Variants in CAMKK2 observed in about 807,000 individuals in gnomAD.
The protein encoded by CAMKK2 is calcium/calmodulin dependent protein kinase kinase 2.
A neutral mutation model predicts 67.2 loss-of-function variants in CAMKK2; 30 were observed. That is an observed-to-expected ratio of 0.45 (90% CI 0.33 to 0.61). The LOEUF is 0.61. Ranked by LOEUF, CAMKK2 falls within the 20% of genes least tolerant of loss-of-function variation. The pLI, the probability that CAMKK2 is intolerant of heterozygous loss-of-function variation, is 0.02. For synonymous variants in CAMKK2, 322 were observed against 326.2 expected, an observed-to-expected ratio of 0.99 and a Z score of 0.14; for missense variants, 643 against 802.0, an observed-to-expected ratio of 0.80 and a Z score of 2.39.
intron 1 of CAMKK2, among the ~76,000 whole-genome samples, chr12:121,288,658 C>A (rs955050158): frequency 6.6e-6 from 1 of 152,166 alleles, no homozygotes; most frequent in Non-Finnish European, 1.5e-5. Flanking sequence ...GCTCCTACCC[C>A]ACCCGCTGGG....
intron 1 of CAMKK2, among the ~76,000 whole-genome samples, chr12:121,284,285 A>G (rs561908380): frequency 6.6e-6 from 1 of 152,338 alleles, no homozygotes; most frequent in East Asian, 1.9e-4. Flanking sequence ...CAGGGCGACA[A>G]TTGGGCTGAG....
chr12:121,266,984 G>A (rs1376126373), intron 5 of CAMKK2, among the ~76,000 whole-genome samples: 2 of 119,188 alleles, frequency 1.7e-5, no homozygotes, highest in African/African-American at 6.3e-5. Flanking sequence ...AGGTCAGCAA[G>A]AAACTGGTCT....
chr12:121,273,703 G>A (rs969191735), intron 2 of CAMKK2, among the ~76,000 whole-genome samples: 1 of 152,022 alleles, frequency 6.6e-6, no homozygotes, highest in African/African-American at 2.4e-5. Context: ...CCTCACCCAT[G>A]AGTATAAATA....
At chr12:121,264,120 T>C (rs987883436) in intron 5 of CAMKK2, among the ~76,000 whole-genome samples, 181 bp from the exon 6 acceptor site, 1 of 152,116 alleles carries the variant, frequency 6.6e-6, no homozygotes, top group Non-Finnish European at 1.5e-5. Context: ...CTGCTGGAAG[T>C]GAGTGAGGGC....
At chr12:121,283,986 G>A (rs1416564628) in intron 1 of CAMKK2, among the ~76,000 whole-genome samples, 2 of 152,226 alleles carry the variant, frequency 1.3e-5, no homozygotes, top group African/African-American at 4.8e-5. Flanking sequence ...CTGGGCAGGG[G>A]ACACACTCAC....
rs553957069 is a variant in CAMKK2, at chr12:121,272,044, T to C, written c.472-1099A>G. Among the ~76,000 whole-genome samples, 13 of 152,070 alleles carry C rather than the reference T, an allele frequency of 8.5e-5. No individual in the cohort carries two copies. The East Asian group carries it at 2.3e-3, about 27-fold the overall frequency. The stretch of plus-strand genomic sequence containing the variant: ...TTTTGTAGAGATGGGTCTTCCTATG[T>C]TGCCCAGGCTGGTCTCAAACTCCTG... On this transcript the variant is annotated intron_variant, in intron 2 of 16. Transcript: ENST00000404169.
intron 6 of CAMKK2, among the ~76,000 whole-genome samples, chr12:121,261,217 T>C (rs557567892): frequency 5.3e-4 from 80 of 152,160 alleles, no homozygotes; most frequent in African/African-American, 1.8e-3. Context: ...GAATATCTGA[T>C]GAATGAACAA....
At chr12:121,264,270 TC>T (rs1894062992) in intron 5 of CAMKK2, among the ~76,000 whole-genome samples, 1 of 152,172 alleles carries the variant, frequency 6.6e-6, no homozygotes, top group Admixed American at 6.5e-5. Context: ...GTCAATCACT[TC>T]CCCTCTCTGG....
At chr12:121,242,781 C>A (rs547198220) in intron 16 of CAMKK2, among the ~76,000 whole-genome samples, 2 of 152,062 alleles carry the variant, frequency 1.3e-5, no homozygotes, top group South Asian at 4.1e-4. Context: ...CTCGCTCTGT[C>A]GCCCAGGCTG....
At chr12:121,271,408 T>A (rs1240739484) in intron 2 of CAMKK2, among the ~76,000 whole-genome samples, 1 of 152,006 alleles carries the variant, frequency 6.6e-6, no homozygotes, top group Non-Finnish European at 1.5e-5. Context: ...CTCCCCCAGG[T>A]GGCCACTCTC....
In CAMKK2 at chr12:121,239,917, CA is replaced by C. The variant is rs1888047356; in HGVS notation, c.*781del. The C allele has an allele frequency of 6.4e-6, 1 of 155,470 alleles. No homozygotes were observed. The highest frequency in any genetic ancestry group is 1.4e-5 in the Non-Finnish European group (1 of 69,944). The allele number at this position is 155,470 out of a possible 1,614,324, so 9.6% of individuals were successfully genotyped here. A position where few individuals can be genotyped will look rare whatever the true frequency, so the allele number is the denominator to read the frequency against. On this transcript the variant is annotated 3_prime_UTR_variant, in exon 17 of 17. Coordinates refer to ENST00000404169, the MANE Select transcript of CAMKK2 (RefSeq NM_001270485.2). ...TCACCCTGAAGTTTTCGTAATTTGACAAAGAGATTTACCAGAGCTCGGTCAG... is the reference window on the plus strand; with the variant it reads ...TCACCCTGAAGTTTTCGTAATTTGACAAGAGATTTACCAGAGCTCGGTCAG...
At chr12:121,252,743 C>T (rs747400637) in intron 10 of CAMKK2, 29 bp from the exon 11 acceptor site, 3 of 1,612,084 alleles carry the variant, frequency 1.9e-6, no homozygotes, top group South Asian at 2.2e-5. Flanking sequence ...AGTGTGAGGG[C>T]ATAAGGGGTG....
chr12:121,289,130 G>GT (rs934385437), intron 1 of CAMKK2, among the ~76,000 whole-genome samples: 7 of 151,922 alleles, frequency 4.6e-5, no homozygotes, highest in Admixed American at 3.3e-4. Flanking sequence ...GAGCCAGGGC[G>GT]CCCCACTCTG....
intron 1 of CAMKK2, among the ~76,000 whole-genome samples, chr12:121,293,251 C>T (rs1593534412): frequency 1.3e-5 from 2 of 151,978 alleles, no homozygotes; most frequent in South Asian, 2.1e-4. Context: ...TACTCTGGCT[C>T]GGGCAACAAG....
intron 1 of CAMKK2, among the ~76,000 whole-genome samples, chr12:121,288,080 T>C (rs1899126868): frequency 6.6e-6 from 1 of 152,238 alleles, no homozygotes; most frequent in Non-Finnish European, 1.5e-5. Flanking sequence ...AGTTTGGGTA[T>C]GTGTTTAGAG....
chr12:121,269,444 A>G, intron 4 of CAMKK2, 84 bp downstream of exon 4: 1 of 1,109,298 alleles, frequency 9.0e-7, no homozygotes, highest in South Asian at 1.3e-5. Context: ...AACAGCTAGG[A>G]AAACTTTCCA....
intron 9 of CAMKK2, among the ~76,000 whole-genome samples, chr12:121,254,087 G>A (rs768276338): frequency 1.2e-4 from 18 of 152,128 alleles, no homozygotes; most frequent in Non-Finnish European, 2.4e-4. Context: ...GAGGGGCCCG[G>A]CCCTGCGTTG....
At chr12:121,297,700 G>C (rs202150415), upstream of CAMKK2, 1 of 517,766 alleles carries the variant, frequency 1.9e-6, no homozygotes, top group Non-Finnish European at 3.9e-6. Context: ...AAAGGGAATC[G>C]AGTTGACAGG....
At chr12:121,280,054 C>T (rs928777370) in intron 1 of CAMKK2, among the ~76,000 whole-genome samples, 1 of 152,242 alleles carries the variant, frequency 6.6e-6, no homozygotes, top group Non-Finnish European at 1.5e-5. Flanking sequence ...CTCCGAGGAT[C>T]CTGCCAAGGC....
Sources: allele counts gnomAD v4.1 joint callset (sites outside exome capture counted in the v4.1 genomes callset), GRCh38; gene constraint gnomAD v4.1.1; transcripts MANE v1.5; gene names NCBI Gene and HGNC (gene_info 2026-07-23, HGNC 2026-07-21).